The following MITF variants were observed in gnomAD, a reference collection of about 807,000 sequenced individuals.
The protein encoded by MITF is melanocyte inducing transcription factor, also known as microphthalmia-associated transcription factor.
MITF carries 17 observed loss-of-function variants against 60.5 expected under a neutral mutation model. That is an observed-to-expected ratio of 0.28 (90% CI 0.19 to 0.42). The LOEUF (loss-of-function observed/expected upper bound fraction) is 0.42, where lower values mean the gene tolerates loss of function less well. MITF is among the 10% of genes least tolerant of loss of function. The pLI is 1.00. For synonymous variants in MITF, 260 were observed against 248.5 expected (o/e 1.05, Z -0.43); for missense variants, 622 against 683.5 (o/e 0.91, Z 1.00).
chr3:69,873,950 G>A (rs986769436), intron 1 of MITF, among the ~76,000 whole-genome samples: 13 of 152,138 alleles, frequency 8.5e-5, no homozygotes, highest in African/African-American at 2.2e-4. Flanking sequence ...AGTTCTCAGC[G>A]AATTTTGTTT....
intron 1 of MITF, chr3:69,866,124 C>A: frequency 7.5e-7 from 1 of 1,327,410 alleles, no homozygotes; most frequent in Non-Finnish European, 1.0e-6. Context: ...TTAAACAGGT[C>A]TGCTGTTGCA....
intron 1 of MITF, among the ~76,000 whole-genome samples, chr3:69,757,493 C>T (rs1704194259): frequency 6.6e-6 from 1 of 152,076 alleles, no homozygotes; most frequent in Non-Finnish European, 1.5e-5. Context: ...GCTGTAAGCA[C>T]AGGAGAGAAG....
intron 2 of MITF, among the ~76,000 whole-genome samples, chr3:69,917,833 C>A (rs1406220611): frequency 1.3e-5 from 2 of 151,036 alleles, no homozygotes; most frequent in African/African-American, 4.9e-5. Context: ...AAGATAGAGA[C>A]TGTTTTTTGT....
chr3:69,808,604 G>T (rs796377803), intron 1 of MITF, among the ~76,000 whole-genome samples: 5 of 152,222 alleles, frequency 3.3e-5, no homozygotes, highest in African/African-American at 9.6e-5. Flanking sequence ...TAGGAGTGGA[G>T]TAGGGGAGAA....
At chr3:69,834,510 T>C (rs1344323053) in intron 1 of MITF, among the ~76,000 whole-genome samples, 2 of 152,222 alleles carry the variant, frequency 1.3e-5, no homozygotes, top group Non-Finnish European at 2.9e-5. Context: ...GAGTTCATTC[T>C]TTTTTATGGC....
At chr3:69,954,354 A>G (rs780474167) in intron 7 of MITF, among the ~76,000 whole-genome samples, 1 of 152,222 alleles carries the variant, frequency 6.6e-6, no homozygotes, top group Non-Finnish European at 1.5e-5. Flanking sequence ...TGAATATGGG[A>G]TGGCAGAAAG....
At chr3:69,960,609 ATCT>A (rs2066517720) in intron 9 of MITF, among the ~76,000 whole-genome samples, 1 of 152,126 alleles carries the variant, frequency 6.6e-6, no homozygotes, top group Non-Finnish European at 1.5e-5. Context: ...GTGACACCAT[ATCT>A]TCTTCTTGAG....
Position 69,816,794 on chromosome 3 carries a change from TTGA to T in MITF, c.105-62325_105-62323del, listed in dbSNP as rs532726246. ...CCTTACACATATTAAGGCTCATTCA[TTGA>T]TGATGATGATGATGTTGATAATGGT... On this transcript the variant is annotated intron_variant, in intron 1 of 9. Coordinates refer to ENST00000352241, the MANE Select transcript of MITF (RefSeq NM_001354604.2). Among the ~76,000 whole-genome samples the T allele has an allele frequency of 7.2e-5, 11 of 152,292 alleles. No individual in the cohort carries two copies. In the South Asian group the frequency reaches 2.3e-3, roughly 32 times the overall value.
rs750962324 is a variant in MITF, at chr3:69,949,116, C to A, written c.828C>A (p.Thr276=). 8 of 1,613,622 alleles carry A rather than the reference C, an allele frequency of 5.0e-6. No individual in the cohort carries two copies. Among genetic ancestry groups the A allele is most frequent in the Non-Finnish European group, 6.8e-6 (8 of 1,179,856 alleles). The change falls in exon 6 of 10, where the codon ACC becomes ACA. Residue 276 remains threonine (T), a synonymous_variant. Coordinates refer to ENST00000352241, the MANE Select transcript of MITF (RefSeq NM_001354604.2). ...AAGGTCTGCCCCCACCAGGCCTCACCATCAGCAACTCCTGTCCAGCCAACC... is the reference window on the plus strand; with the variant it reads ...AAGGTCTGCCCCCACCAGGCCTCACAATCAGCAACTCCTGTCCAGCCAACC... The part of the protein sequence containing the change: ...GNQGLPPPGL[T]ISNSCPANLP...
chr3:69,803,595 G>A (rs112318916), intron 1 of MITF, among the ~76,000 whole-genome samples: 1,650 of 152,216 alleles, frequency 0.011, 37 homozygotes, highest in African/African-American at 0.037. Flanking sequence ...TTAAAAAAAG[G>A]TTGAATTGAA....
intron 6 of MITF, among the ~76,000 whole-genome samples, chr3:69,949,670 A>G (rs992756474): frequency 6.6e-6 from 1 of 152,202 alleles, no homozygotes; most frequent in African/African-American, 2.4e-5. Context: ...TGTGCAAAAG[A>G]TTTATTACAC....
intron 2 of MITF, among the ~76,000 whole-genome samples, chr3:69,899,544 C>A (rs1277161070): frequency 6.6e-6 from 1 of 152,148 alleles, no homozygotes. Flanking sequence ...CTTTCTGAAC[C>A]AACATGGGTA....
chr3:69,902,932 T>G (rs2065024622), intron 2 of MITF, among the ~76,000 whole-genome samples: 1 of 152,200 alleles, frequency 6.6e-6, no homozygotes, highest in Non-Finnish European at 1.5e-5. Context: ...TTATTTTTGT[T>G]TTATAAAAAT....
At chr3:69,830,077 G>A (rs1338615688) in intron 1 of MITF, among the ~76,000 whole-genome samples, 2 of 152,124 alleles carry the variant, frequency 1.3e-5, no homozygotes, top group Non-Finnish European at 1.5e-5. Context: ...ATCTAGGATG[G>A]ATCAGGAAGG....
intron 1 of MITF, among the ~76,000 whole-genome samples, chr3:69,854,912 A>G (rs891831821): frequency 7.9e-5 from 12 of 152,228 alleles, no homozygotes; most frequent in African/African-American, 2.9e-4. Context: ...GCAGTGAGTT[A>G]CCATGACTGA....
At chr3:69,855,279 A>G (rs1239230615) in intron 1 of MITF, among the ~76,000 whole-genome samples, 2 of 127,668 alleles carry the variant, frequency 1.6e-5, no homozygotes, top group Non-Finnish European at 3.5e-5. Flanking sequence ...AAAAAAAAAA[A>G]CACTTAAAGA....
rs543607830 is a variant in MITF at position 69,820,204 on chromosome 3, C to G, written c.105-58930C>G. Among the ~76,000 whole-genome samples, 4 of 152,250 alleles carry G rather than the reference C, an allele frequency of 2.6e-5. No individual in the cohort carries two copies. The South Asian group carries it at 8.3e-4, about 32-fold the overall frequency. ...GTAAATAAGGTAGTAAAATTGACTT[C>G]ACGTGCTTCATTTTGTTTTTCTTTT... On this transcript the variant is annotated intron_variant, in intron 1 of 9. Transcript: ENST00000352241.
intron 9 of MITF, among the ~76,000 whole-genome samples, chr3:69,961,781 T>C (rs1206549154): frequency 6.6e-6 from 1 of 152,208 alleles, no homozygotes; most frequent in Non-Finnish European, 1.5e-5. Flanking sequence ...TCTACAAGTA[T>C]TAAAATGTAA....
At chr3:69,910,774 A>G (rs1267861276) in intron 2 of MITF, among the ~76,000 whole-genome samples, 1 of 152,166 alleles carries the variant, frequency 6.6e-6, no homozygotes, top group Non-Finnish European at 1.5e-5. Flanking sequence ...CCCAGTACCT[A>G]TACCCCCATT....
Sources: gnomAD v4.1 joint callset for allele counts (sites outside exome capture counted in the v4.1 genomes callset) on GRCh38, gnomAD v4.1.1 for gene constraint, MANE v1.5 for transcripts, NCBI Gene and HGNC (gene_info 2026-07-23, HGNC 2026-07-21) for gene names.